Variants in VDAC1 observed in about 807,000 individuals in gnomAD.
VDAC1 encodes the protein voltage dependent anion channel 1, also known as non-selective voltage-gated ion channel VDAC1.
Under a neutral mutation model 34.7 loss-of-function variants are expected in VDAC1, and 10 were observed. That is an observed-to-expected ratio of 0.29 (90% CI 0.18 to 0.49). The LOEUF is 0.49. VDAC1 is among the 20% of genes least tolerant of loss of function. The pLI is 0.99. For missense variants in VDAC1, 230 were observed against 347.9 expected (o/e 0.66, Z 2.69); for synonymous variants, 130 against 136.0 (o/e 0.96, Z 0.30).
At chr5:134,011,158 C>T in the VDAC1 span, among the ~76,000 whole-genome samples, 2 of 151,960 alleles carry the variant, frequency 1.3e-5, no homozygotes, top group Admixed American at 6.6e-5. Context: ...GTCCTCTGCC[C>T]ACATTTTTTT....
the VDAC1 span, among the ~76,000 whole-genome samples, chr5:134,067,217 A>G: frequency 6.6e-6 from 1 of 151,566 alleles, no homozygotes; most frequent in Non-Finnish European, 1.5e-5. Flanking sequence ...CTGGGATTAC[A>G]GGCATATGCC....
chr5:133,977,080 G>A (rs1035210373), intron 6 of VDAC1, among the ~76,000 whole-genome samples: 2 of 152,176 alleles, frequency 1.3e-5, no homozygotes, highest in Non-Finnish European at 2.9e-5. Flanking sequence ...GTTATGGAAA[G>A]AGAAGAAAAT....
the VDAC1 span, among the ~76,000 whole-genome samples, chr5:134,112,883 G>A: frequency 2.6e-5 from 4 of 152,252 alleles, 1 homozygote; most frequent in South Asian, 8.3e-4. Flanking sequence ...GATCTGTGTC[G>A]GTGGAACTCA....
At chr5:134,070,411 G>A in the VDAC1 span, among the ~76,000 whole-genome samples, 1 of 152,100 alleles carries the variant, frequency 6.6e-6, no homozygotes, top group Non-Finnish European at 1.5e-5. Context: ...CTCCCAAAGC[G>A]CTGGGATTAC....
At chr5:133,986,676 G>A (rs764831810) in intron 5 of VDAC1, among the ~76,000 whole-genome samples, 3 of 152,138 alleles carry the variant, frequency 2.0e-5, no homozygotes, top group Admixed American at 1.3e-4. Flanking sequence ...ATGAGCCCCC[G>A]CGCCAGGCCT....
the VDAC1 span, among the ~76,000 whole-genome samples, chr5:134,095,595 TG>T: frequency 6.6e-6 from 1 of 152,180 alleles, no homozygotes; most frequent in Non-Finnish European, 1.5e-5. Flanking sequence ...ATCACAAGAC[TG>T]GGGTTTATTG....
the VDAC1 span, among the ~76,000 whole-genome samples, chr5:134,028,687 C>T: frequency 9.9e-5 from 15 of 152,210 alleles, no homozygotes; most frequent in East Asian, 1.9e-3. Flanking sequence ...GTGGGATGAC[C>T]GTCATTTCAC....
At chr5:134,055,588 GTTTTT>G in the VDAC1 span, among the ~76,000 whole-genome samples, 9 of 59,614 alleles carry the variant, frequency 1.5e-4, no homozygotes, top group Admixed American at 9.1e-4. Flanking sequence ...CCCCGCTAAT[GTTTTT>G]TTTTTTTTTT....
the VDAC1 span, among the ~76,000 whole-genome samples, chr5:134,078,181 C>T: frequency 6.6e-6 from 1 of 152,222 alleles, no homozygotes; most frequent in Non-Finnish European, 1.5e-5. Context: ...CCTGCAGACA[C>T]AGAGCCAAAT....
At chr5:134,032,732 G>A in the VDAC1 span, among the ~76,000 whole-genome samples, 2 of 152,160 alleles carry the variant, frequency 1.3e-5, no homozygotes, top group Non-Finnish European at 2.9e-5. Context: ...TAAGAAAGAA[G>A]AGGATATAAA....
At chr5:134,083,607 G>C in the VDAC1 span, among the ~76,000 whole-genome samples, 1 of 152,212 alleles carries the variant, frequency 6.6e-6, no homozygotes, top group Admixed American at 6.5e-5. Context: ...AAGAGCTCTG[G>C]AATGTCCAGG....
the VDAC1 span, among the ~76,000 whole-genome samples, chr5:134,066,043 T>C: frequency 1.3e-5 from 2 of 152,194 alleles, no homozygotes; most frequent in African/African-American, 2.4e-5. Flanking sequence ...TCCACTTGCC[T>C]CAGCTTCCCA....
At chr5:134,010,669 T>C in the VDAC1 span, among the ~76,000 whole-genome samples, 1 of 152,134 alleles carries the variant, frequency 6.6e-6, no homozygotes, top group Non-Finnish European at 1.5e-5. Flanking sequence ...GAAGGCAATC[T>C]ATGTTCAGTA....
the VDAC1 span, among the ~76,000 whole-genome samples, chr5:134,114,181 C>G: frequency 1.3e-5 from 2 of 152,178 alleles, no homozygotes; most frequent in African/African-American, 4.8e-5. Flanking sequence ...CTGATTGGCA[C>G]AGGGATGGAG....
the VDAC1 span, among the ~76,000 whole-genome samples, chr5:134,047,987 C>A: frequency 1.3e-5 from 2 of 151,094 alleles, no homozygotes; most frequent in Non-Finnish European, 3.0e-5. Flanking sequence ...CCACTACACT[C>A]CAGCCTGGGC....
chr5:134,046,321 C>T, the VDAC1 span, among the ~76,000 whole-genome samples: 2 of 152,092 alleles, frequency 1.3e-5, no homozygotes, highest in Admixed American at 1.3e-4. Flanking sequence ...AGCCACCATG[C>T]CCAGCCTTTT....
chr5:133,994,994 C>G (rs1247271313), intron 1 of VDAC1, among the ~76,000 whole-genome samples: 2 of 152,196 alleles, frequency 1.3e-5, no homozygotes, highest in African/African-American at 4.8e-5. Context: ...CACATCTGGA[C>G]TGGTCCCCGC....
At chr5:134,038,327 G>C in the VDAC1 span, among the ~76,000 whole-genome samples, 1 of 151,674 alleles carries the variant, frequency 6.6e-6, no homozygotes, top group Non-Finnish European at 1.5e-5. Flanking sequence ...CAAACAGCAG[G>C]TTCAGAGGCC....
chr5:134,055,561 A>T, the VDAC1 span, among the ~76,000 whole-genome samples: 1 of 133,764 alleles, frequency 7.5e-6, no homozygotes, highest in Admixed American at 8.1e-5. Flanking sequence ...CTGGGACCAT[A>T]GGCGCCCGCC....
Sources: gnomAD v4.1 joint callset for allele counts (sites outside exome capture counted in the v4.1 genomes callset) on GRCh38, gnomAD v4.1.1 for gene constraint, MANE v1.5 for transcripts, NCBI Gene and HGNC (gene_info 2026-07-23, HGNC 2026-07-21) for gene names.